The following GRID1 variants were observed in gnomAD, a reference collection of about 807,000 sequenced individuals.
GRID1 encodes glutamate ionotropic receptor delta type subunit 1, also known as glutamate receptor ionotropic, delta-1.
GRID1 carries 28 observed loss-of-function variants against 98.0 expected under a neutral mutation model. The ratio of observed to expected loss-of-function variants is 0.29; its 90% confidence interval spans 0.21 to 0.39. The LOEUF (loss-of-function observed/expected upper bound fraction) is 0.39, where lower values mean the gene tolerates loss of function less well. Among genes scored for constraint, GRID1 ranks in the 10% least tolerant of loss-of-function variants. GRID1 has a pLI of 1.00. For missense variants in GRID1, 1,111 were observed against 1,340.5 expected (o/e 0.83, Z 2.67); for synonymous variants, 553 against 538.5 (o/e 1.03, Z -0.37).
intron 2 of GRID1, among the ~76,000 whole-genome samples, chr10:86,344,395 T>G (rs978872871): frequency 6.6e-6 from 1 of 152,212 alleles, no homozygotes; most frequent in African/African-American, 2.4e-5. Flanking sequence ...GCCACAGCAC[T>G]GTCCAGTGTC....
chr10:85,963,144 G>A (rs1047676588), intron 4 of GRID1, among the ~76,000 whole-genome samples: 1 of 151,986 alleles, frequency 6.6e-6, no homozygotes, highest in African/African-American at 2.4e-5. Context: ...CATGTTCCTG[G>A]AGGCAGTTGA....
At chr10:85,909,413 G>T (rs1378801095) in intron 5 of GRID1, among the ~76,000 whole-genome samples, 1 of 152,110 alleles carries the variant, frequency 6.6e-6, no homozygotes, top group Non-Finnish European at 1.5e-5. Context: ...CCCAGAAAAA[G>T]GAAAGTATAT....
At chr10:86,120,933 T>C (rs748974303) in intron 4 of GRID1, among the ~76,000 whole-genome samples, 1 of 152,076 alleles carries the variant, frequency 6.6e-6, no homozygotes, top group Non-Finnish European at 1.5e-5. Context: ...CCAACATACC[T>C]GGCTCTGCCA....
rs575380572 is a variant in GRID1, at chr10:85,831,546, C to T, written c.1233+22950G>A. 1.3e-4 allele frequency among the ~76,000 whole-genome samples: 20 copies of T among 152,132 alleles called. No homozygotes were observed. The East Asian group carries it at 3.9e-3, about 29-fold the overall frequency. On this transcript the variant is annotated intron_variant, in intron 8 of 15. Transcript: ENST00000327946. The stretch of plus-strand genomic sequence containing the variant: ...TTTTCAAGGGCACATGAAATATTTA[C>T]CTCTATGGTGGTCATATAGTAAGCC...
At chr10:85,895,077 T>G (rs947054624) in intron 5 of GRID1, among the ~76,000 whole-genome samples, 6 of 149,158 alleles carry the variant, frequency 4.0e-5, no homozygotes, top group African/African-American at 7.4e-5. Flanking sequence ...ACCTATAACC[T>G]TCATCTCCTT....
chr10:86,217,056 G>A (rs1379453265), intron 2 of GRID1, among the ~76,000 whole-genome samples: 2 of 152,126 alleles, frequency 1.3e-5, no homozygotes, highest in Non-Finnish European at 2.9e-5. Context: ...CTGTGCCAGG[G>A]CCCCCTCAAC....
intron 2 of GRID1, among the ~76,000 whole-genome samples, chr10:86,346,976 C>T (rs909841983): frequency 6.6e-5 from 10 of 152,186 alleles, no homozygotes; most frequent in Non-Finnish European, 1.2e-4. Context: ...GGCCCAGGCC[C>T]GGTACCCTGC....
chr10:86,184,461 C>CTTTTTTT (rs1198471392), intron 3 of GRID1, among the ~76,000 whole-genome samples: 161 of 122,892 alleles, frequency 1.3e-3, no homozygotes, highest in Non-Finnish European at 1.7e-3. Flanking sequence ...TTTCTTTTTT[C>CTTTTTTT]TTTTTTTTTT....
intron 8 of GRID1, among the ~76,000 whole-genome samples, chr10:85,781,742 C>T (rs1842383120): frequency 6.6e-6 from 1 of 151,844 alleles, no homozygotes; most frequent in Admixed American, 6.6e-5. Context: ...GTTATATAAG[C>T]CTGTGAAGTA....
intron 13 of GRID1, among the ~76,000 whole-genome samples, chr10:85,640,459 T>C (rs537011793): frequency 1.3e-5 from 2 of 152,314 alleles, no homozygotes; most frequent in South Asian, 4.1e-4. Context: ...TCAAACTCTC[T>C]TGATCTTTGA....
At chr10:85,822,377 G>T (rs1357488082) in intron 8 of GRID1, among the ~76,000 whole-genome samples, 1 of 152,160 alleles carries the variant, frequency 6.6e-6, no homozygotes, top group African/African-American at 2.4e-5. Flanking sequence ...AGTGGGCTAA[G>T]GATATGAACA....
chr10:86,116,072 T>C (rs1844573340), intron 4 of GRID1, among the ~76,000 whole-genome samples: 2 of 152,188 alleles, frequency 1.3e-5, no homozygotes, highest in Non-Finnish European at 2.9e-5. Context: ...TCTAGGTTTG[T>C]GTAAGTACAC....
intron 4 of GRID1, among the ~76,000 whole-genome samples, chr10:86,114,433 G>A (rs551042469): frequency 6.6e-5 from 10 of 152,282 alleles, no homozygotes; most frequent in Admixed American, 6.5e-4. Context: ...CCCTGTGAAG[G>A]AGAACATGAC....
intron 2 of GRID1, among the ~76,000 whole-genome samples, chr10:86,352,918 A>C (rs554686288): frequency 6.6e-6 from 1 of 152,116 alleles, no homozygotes; most frequent in Non-Finnish European, 1.5e-5. Context: ...ACTGACAATG[A>C]AAAAACACCT....
At chr10:86,181,068 G>C (rs763599457) in intron 3 of GRID1, among the ~76,000 whole-genome samples, 11 of 152,196 alleles carry the variant, frequency 7.2e-5, no homozygotes, top group Non-Finnish European at 1.5e-4. Flanking sequence ...ACAGCCACGA[G>C]GCTGTACAAG....
chr10:86,341,548 A>ACT (rs1431940484), intron 2 of GRID1, among the ~76,000 whole-genome samples: 6 of 151,720 alleles, frequency 4.0e-5, no homozygotes, highest in Non-Finnish European at 8.8e-5. Context: ...CAGCCTGAGC[A>ACT]CTCCCTCTCC....
chr10:85,616,932 T>A (rs1842796377), intron 14 of GRID1, among the ~76,000 whole-genome samples: 1 of 152,218 alleles, frequency 6.6e-6, no homozygotes, highest in African/African-American at 2.4e-5. Context: ...ATGCCCCAAC[T>A]GCATGCTGTG....
At chr10:85,996,368 AAAGAAATAC>A (rs1358103656) in intron 4 of GRID1, among the ~76,000 whole-genome samples, 1 of 152,234 alleles carries the variant, frequency 6.6e-6, no homozygotes, top group Non-Finnish European at 1.5e-5. Flanking sequence ...AAGTCCCAGC[AAAGAAATAC>A]AAGAAACTTT....
chr10:86,265,554 C>G lies in GRID1; in HGVS notation c.236-58906G>C, dbSNP rs543602251. Among the ~76,000 whole-genome samples the G allele has an allele frequency of 6.6e-5, 10 of 152,362 alleles. No individual in the cohort carries two copies. In the South Asian group the frequency reaches 2.1e-3, roughly 32 times the overall value. ...AGAGCCCCAGGTCTTACCACCAGCCCTGCCACGTGGCTGGCACACCCACAG... is the reference window on the plus strand; with the variant it reads ...AGAGCCCCAGGTCTTACCACCAGCCGTGCCACGTGGCTGGCACACCCACAG... On this transcript the variant is annotated intron_variant, in intron 2 of 15. Transcript: ENST00000327946.
Sources: gnomAD v4.1 joint callset for allele counts (sites outside exome capture counted in the v4.1 genomes callset) on GRCh38, gnomAD v4.1.1 for gene constraint, MANE v1.5 for transcripts, NCBI Gene and HGNC (gene_info 2026-07-23, HGNC 2026-07-21) for gene names.